Variants in DGKB observed in about 807,000 individuals in gnomAD.
The protein encoded by DGKB is 90 kDa diacylglycerol kinase.
Under a neutral mutation model 114.3 loss-of-function variants are expected in DGKB, and 67 were observed. The ratio of observed to expected loss-of-function variants is 0.59; its 90% CI spans 0.48 to 0.72. The LOEUF is 0.72. DGKB is among the 30% of genes least tolerant of loss of function. The probability of loss-of-function intolerance (pLI) is 0.00; values close to 1 mark genes in which losing one functional copy is unlikely to be tolerated. For missense variants in DGKB, 907 were observed against 975.2 expected (o/e 0.93, Z 0.93); for synonymous variants, 398 against 323.1 (o/e 1.23, Z -2.49).
At chr7:14,320,340 C>T (rs949420815) in intron 23 of DGKB, among the ~76,000 whole-genome samples, 1 of 152,244 alleles carries the variant, frequency 6.6e-6, no homozygotes, top group East Asian at 1.9e-4. Context: ...ATTATGGTCA[C>T]TTGCTATGGT....
At chr7:14,420,587 A>G (rs1257930886) in intron 21 of DGKB, among the ~76,000 whole-genome samples, 1 of 152,026 alleles carries the variant, frequency 6.6e-6, no homozygotes, top group Non-Finnish European at 1.5e-5. Context: ...CTTAAAAGTG[A>G]AAGTGGCTGC....
At chr7:14,337,096 T>C (rs1810815233) in intron 23 of DGKB, among the ~76,000 whole-genome samples, 1 of 152,192 alleles carries the variant, frequency 6.6e-6, no homozygotes, top group Admixed American at 6.5e-5. Flanking sequence ...GGTTTTAGTA[T>C]GGTCCTTAAG....
intron 2 of DGKB, among the ~76,000 whole-genome samples, chr7:14,839,168 C>T (rs1847566329): frequency 1.3e-5 from 2 of 151,984 alleles, no homozygotes; most frequent in Admixed American, 1.3e-4. Flanking sequence ...ATGGAGGACA[C>T]ATATCTCTTC....
intron 20 of DGKB, among the ~76,000 whole-genome samples, chr7:14,545,335 T>C (rs1212558093): frequency 6.6e-6 from 1 of 152,178 alleles, no homozygotes; most frequent in East Asian, 1.9e-4. Flanking sequence ...TGTTCGACCA[T>C]GTTCCTGACT....
chr7:14,328,376 A>AT (rs919786161), intron 23 of DGKB, among the ~76,000 whole-genome samples: 1 of 151,990 alleles, frequency 6.6e-6, no homozygotes, highest in Non-Finnish European at 1.5e-5. Flanking sequence ...ATAGCAGCTG[A>AT]TTTTTTATTA....
At chr7:14,867,228 T>G (rs1437110753) in intron 1 of DGKB, among the ~76,000 whole-genome samples, 1 of 152,190 alleles carries the variant, frequency 6.6e-6, no homozygotes. Flanking sequence ...TCTTATAATT[T>G]TAATGAAATT....
chr7:14,957,797 C>T (rs539315756), intron 1 of DGKB, among the ~76,000 whole-genome samples: 137 of 151,602 alleles, frequency 9.0e-4, no homozygotes, highest in African/African-American at 3.2e-3. Flanking sequence ...ATATAGTGTA[C>T]CTGAAATTAT....
chr7:14,547,458 C>T (rs1198701657), intron 20 of DGKB, among the ~76,000 whole-genome samples: 1 of 152,094 alleles, frequency 6.6e-6, no homozygotes, highest in Non-Finnish European at 1.5e-5. Flanking sequence ...CAAATTACAA[C>T]TTTCATATGG....
In DGKB at chr7:14,885,940, G is replaced by A. The variant is rs114560088; in HGVS notation, c.-188+16652C>T. Among the ~76,000 whole-genome samples, 860 of 151,682 alleles carry A rather than the reference G, an allele frequency of 5.7e-3. 10 individuals carry two copies. Among genetic ancestry groups the A allele is most frequent in the African/African-American group, 0.02 (819 of 41,456 alleles). On this transcript the variant is annotated intron_variant, in intron 1 of 25. Transcript: ENST00000402815. ...AATGCCAGGCCAAGGTGAATCTACG[G>A]CTAATTTAGAAAAAAATAAAGGAAG...
intron 23 of DGKB, among the ~76,000 whole-genome samples, chr7:14,212,092 T>TCCTC (rs1238303013): frequency 7.6e-5 from 1 of 13,222 alleles, no homozygotes; most frequent in African/African-American, 2.1e-4. Flanking sequence ...TTTTGTGATT[T>TCCTC]TACTCTCATG....
intron 6 of DGKB, among the ~76,000 whole-genome samples, chr7:14,706,126 C>A (rs1294051916): frequency 7.2e-6 from 1 of 139,378 alleles, no homozygotes; most frequent in African/African-American, 2.8e-5. Context: ...GGAAGATCTA[C>A]CAAGCAAATG....
intron 25 of DGKB, 158 bp downstream of exon 25, chr7:14,176,681 A>G: frequency 1.4e-6 from 2 of 1,445,042 alleles, no homozygotes; most frequent in Non-Finnish European, 1.8e-6. Flanking sequence ...TACAACCTAA[A>G]TGTAGTGGCT....
chr7:14,715,561 A>G (rs147528733), intron 6 of DGKB, among the ~76,000 whole-genome samples: 92 of 152,254 alleles, frequency 6.0e-4, no homozygotes, highest in African/African-American at 2.1e-3. Flanking sequence ...TGCATGCAAA[A>G]GCACACATCC....
At chr7:14,600,832 C>T (rs1223370332) in intron 17 of DGKB, among the ~76,000 whole-genome samples, 1 of 152,240 alleles carries the variant, frequency 6.6e-6, no homozygotes, top group Non-Finnish European at 1.5e-5. Context: ...AACCCCCATT[C>T]CTTCCATGGC....
At chr7:14,952,155 G>A (rs1587446245) in intron 1 of DGKB, among the ~76,000 whole-genome samples, 1 of 151,978 alleles carries the variant, frequency 6.6e-6, no homozygotes, top group South Asian at 2.1e-4. Flanking sequence ...GTGAAGAATG[G>A]AGTTATACTG....
intron 13 of DGKB, among the ~76,000 whole-genome samples, chr7:14,666,959 T>C (rs145788083): frequency 7.4e-4 from 112 of 152,144 alleles, no homozygotes; most frequent in African/African-American, 2.6e-3. Context: ...TTAATTTTTA[T>C]TTGAATGAAA....
intron 21 of DGKB, among the ~76,000 whole-genome samples, chr7:14,375,170 G>T (rs941981377): frequency 2.0e-5 from 3 of 152,114 alleles, no homozygotes; most frequent in Admixed American, 6.6e-5. Flanking sequence ...ACATACCCAG[G>T]CCACTACAAC....
intron 15 of DGKB, among the ~76,000 whole-genome samples, chr7:14,618,620 G>A (rs1461337442): frequency 6.6e-6 from 1 of 151,504 alleles, no homozygotes; most frequent in East Asian, 1.9e-4. Flanking sequence ...TGGTGTGAGC[G>A]ATGACAAAGA....
At chr7:14,594,533 T>A (rs1387476121) in intron 17 of DGKB, among the ~76,000 whole-genome samples, 1 of 152,060 alleles carries the variant, frequency 6.6e-6, no homozygotes, top group Non-Finnish European at 1.5e-5. Context: ...ATGGAATAAT[T>A]CATTCTTATT....
Sources: gnomAD v4.1 joint callset for allele counts (sites outside exome capture counted in the v4.1 genomes callset) on GRCh38, gnomAD v4.1.1 for gene constraint, MANE v1.5 for transcripts, NCBI Gene and HGNC (gene_info 2026-07-23, HGNC 2026-07-21) for gene names.